Variants in ARMCX4 observed in about 807,000 individuals in gnomAD.
ARMCX4 encodes armadillo repeat-containing X-linked protein 4.
Under a neutral mutation model 34.7 loss-of-function variants are expected in ARMCX4, and 3 were observed. That is an observed-to-expected ratio of 0.09 (90% CI 0.04 to 0.22). ARMCX4 has a LOEUF of 0.22. ARMCX4 is among the 10% of genes least tolerant of loss of function. The pLI is 1.00. For synonymous variants in ARMCX4, 513 were observed against 632.8 expected (o/e 0.81, Z 2.84); for missense variants, 1,448 against 1,720.8 (o/e 0.84, Z 2.81).
intron 10 of ARMCX4, chrX:101,509,689 C>T (rs2147699893): frequency 9.0e-6 from 1 of 111,469 alleles, no homozygotes; most frequent in South Asian, 3.8e-4. Context: ...GTATGAGACA[C>T]TGAGCACTTT....
At chrX:101,463,278 C>A (rs1384929173) in intron 4 of ARMCX4, among the ~76,000 whole-genome samples, 2 of 111,505 alleles carry the variant, frequency 1.8e-5, no homozygotes, top group Non-Finnish European at 3.8e-5. Flanking sequence ...CCCTCAGAGG[C>A]AATCCACTAC....
At chrX:101,480,525 C>T (rs782445505), upstream of ARMCX4, among the ~76,000 whole-genome samples, 25 of 111,581 alleles carry the variant, frequency 2.2e-4, no homozygotes, top group African/African-American at 7.8e-4. Flanking sequence ...ATGATCACGC[C>T]ACTGCAGTCC....
chrX:101,428,820 T>TGAATTAGA (rs1194394649), intron 2 of ARMCX4, among the ~76,000 whole-genome samples: 1 of 110,649 alleles, frequency 9.0e-6, no homozygotes, highest in Non-Finnish European at 1.9e-5. Flanking sequence ...CCCTTGCACT[T>TGAATTAGA]GAATTAGATA....
intron 11 of ARMCX4, among the ~76,000 whole-genome samples, chrX:101,516,109 A>G (rs1217480924): frequency 8.9e-6 from 1 of 111,897 alleles, no homozygotes; most frequent in Non-Finnish European, 1.9e-5. Context: ...AATTAGAAGT[A>G]TGGGCCAGAT....
At chrX:101,484,166 A>T (rs1031114732), upstream of ARMCX4, among the ~76,000 whole-genome samples, 2 of 111,780 alleles carry the variant, frequency 1.8e-5, no homozygotes, top group Non-Finnish European at 1.9e-5. Flanking sequence ...TGACACGGAC[A>T]TCAGGTGTGT....
At chrX:101,448,804 G>A (rs782327693), downstream of ARMCX4, among the ~76,000 whole-genome samples, 517 of 110,875 alleles carry the variant, frequency 4.7e-3, 1 homozygote, top group Non-Finnish European at 7.5e-3. Context: ...TGTTGGCCAG[G>A]TTGGTCTTGA....
chrX:101,484,448 G>T (rs1480946085), upstream of ARMCX4, among the ~76,000 whole-genome samples: 1 of 111,779 alleles, frequency 8.9e-6, no homozygotes, highest in African/African-American at 3.3e-5. Flanking sequence ...GTTAATTTGG[G>T]AAGTCACTAG....
intron 2 of ARMCX4, among the ~76,000 whole-genome samples, chrX:101,422,770 T>A (rs1278197278): frequency 8.9e-6 from 1 of 111,937 alleles, no homozygotes; most frequent in Non-Finnish European, 1.9e-5. Flanking sequence ...TGCCCAGGAA[T>A]GAACAAGGAC....
chrX:101,433,089 T>C (rs62644202), intron 2 of ARMCX4, among the ~76,000 whole-genome samples: 6,829 of 39,423 alleles, frequency 0.17, 230 homozygotes, highest in South Asian at 0.51. Flanking sequence ...TGTATACATA[T>C]ATGTGTATAC....
At position 101,470,870 on chromosome X, in the gene ARMCX4, A is replaced by G. The variant is rs782690527; in HGVS notation, c.-472-15153A>G. On this transcript the variant is annotated intron_variant and NMD_transcript_variant, in intron 4 of 15. Coordinates refer to the ARMCX4 transcript ENST00000433011. ...AACTTGTTGGGTTGTATGGTAAGCGAATGTTAAACTTTATAAGAACCTGAG... is the reference window on the plus strand; with the variant it reads ...AACTTGTTGGGTTGTATGGTAAGCGGATGTTAAACTTTATAAGAACCTGAG... Among the ~76,000 whole-genome samples the G allele has an allele frequency of 6.4e-4, 71 of 111,783 alleles. 1 individual carries two copies. Among genetic ancestry groups the G allele is most frequent in the African/African-American group, 2.3e-3 (71 of 30,785 alleles).
intron 11 of ARMCX4, among the ~76,000 whole-genome samples, chrX:101,513,722 C>G (rs1934648030): frequency 9.0e-6 from 1 of 111,251 alleles, no homozygotes; most frequent in Non-Finnish European, 1.9e-5. Flanking sequence ...CTGCTCTCAG[C>G]AAGTACTCCA....
chrX:101,480,762 G>A (rs1933412100), upstream of ARMCX4, among the ~76,000 whole-genome samples: 1 of 111,787 alleles, frequency 8.9e-6, no homozygotes, highest in Non-Finnish European at 1.9e-5. Flanking sequence ...GAGAAGAAAT[G>A]CAAATGGATG....
At chrX:101,512,859 T>C in intron 11 of ARMCX4, among the ~76,000 whole-genome samples, 1 of 46,522 alleles carries the variant, frequency 2.1e-5, no homozygotes, top group East Asian at 4.1e-4. Context: ...TGTGTATATA[T>C]GTATATATAT....
chrX:101,467,776 C>G (rs1932819469), intron 4 of ARMCX4, among the ~76,000 whole-genome samples: 1 of 111,867 alleles, frequency 8.9e-6, no homozygotes, highest in Admixed American at 9.5e-5. Flanking sequence ...ATTAACTGGG[C>G]TTTTTGGTTA....
chrX:101,534,438 G>A (rs1353046286), downstream of ARMCX4, among the ~76,000 whole-genome samples: 1 of 110,769 alleles, frequency 9.0e-6, no homozygotes, highest in Non-Finnish European at 1.9e-5. Flanking sequence ...TAAAAAAGAT[G>A]AGTTATGAGA....
intron 7 of ARMCX4, among the ~76,000 whole-genome samples, chrX:101,503,969 T>G (rs1934377190): frequency 1.8e-5 from 2 of 111,311 alleles, no homozygotes; most frequent in African/African-American, 6.5e-5. Context: ...TTGTATAAGG[T>G]GTAAGGAAGG....
intron 2 of ARMCX4, among the ~76,000 whole-genome samples, chrX:101,429,366 G>A (rs1929847949): frequency 1.2e-5 from 1 of 86,540 alleles, no homozygotes; most frequent in African/African-American, 4.6e-5. Flanking sequence ...GTGGAGTTTC[G>A]CTCTTGTCGT....
chrX:101,512,813 TACACA>T (rs1556016676), intron 11 of ARMCX4, among the ~76,000 whole-genome samples: 2 of 87,445 alleles, frequency 2.3e-5, no homozygotes, highest in African/African-American at 1.2e-4. Context: ...TACACATATA[TACACA>T]TATATATACA....
intron 2 of ARMCX4, among the ~76,000 whole-genome samples, chrX:101,432,749 T>C (rs782793070): frequency 6.6e-4 from 44 of 66,820 alleles, no homozygotes; most frequent in African/African-American, 1.6e-3. Context: ...CGTATATATA[T>C]GTGTATATAC....
Sources: gnomAD v4.1 joint callset for allele counts (sites outside exome capture counted in the v4.1 genomes callset) on GRCh38, gnomAD v4.1.1 for gene constraint, MANE v1.5 for transcripts, NCBI Gene and HGNC (gene_info 2026-07-23, HGNC 2026-07-21) for gene names.